CNTNAP1: variants seen among roughly 807,000 people sequenced by gnomAD.
CNTNAP1 encodes the protein contactin associated protein 1.
CNTNAP1 carries 80 observed loss-of-function variants against 161.5 expected under a neutral mutation model. The ratio of observed to expected loss-of-function variants is 0.50; its 90% CI spans 0.41 to 0.60. The LOEUF (loss-of-function observed/expected upper bound fraction) is 0.60, where lower values mean the gene tolerates loss of function less well. CNTNAP1 is among the 20% of genes least tolerant of loss of function. The probability of loss-of-function intolerance (pLI) is 0.00; values close to 1 mark genes in which losing one functional copy is unlikely to be tolerated. For synonymous variants in CNTNAP1, 695 were observed against 733.1 expected (o/e 0.95, Z 0.84); for missense variants, 1,464 against 1,854.8 (o/e 0.79, Z 3.87).
At chr17:42,695,336 G>T (rs1334331090) in intron 18 of CNTNAP1, among the ~76,000 whole-genome samples, 185 bp from the exon 19 acceptor site, 1 of 152,150 alleles carries the variant, frequency 6.6e-6, no homozygotes, top group Non-Finnish European at 1.5e-5. Flanking sequence ...ATGATCTCCA[G>T]TTTCCCATGG....
In CNTNAP1 at chr17:42,687,489, TGGA is replaced by T. The variant is rs1272584135; in HGVS notation, c.1045-229_1045-227del. On this transcript the variant is annotated intron_variant, in intron 7 of 23. Coordinates refer to ENST00000264638, the MANE Select transcript of CNTNAP1 (RefSeq NM_003632.3). This position sits in a 1 kb window ranked among gnomAD's most constrained non-coding sequence, Gnocchi z 4.7. Reference sequence around the variant, plus strand: ...AGAGAAGCGGTCGAATCGCAGACGGTGGAGATCAGCGAGAGCAAGCGAGCAGAG... The same window carrying T: ...AGAGAAGCGGTCGAATCGCAGACGGTGATCAGCGAGAGCAAGCGAGCAGAG... 1 of 595,070 alleles carries T rather than the reference TGGA, an allele frequency of 1.7e-6. No individual in the cohort carries two copies. Among genetic ancestry groups the T allele is most frequent in the African/African-American group, 1.9e-5 (1 of 53,758 alleles). 36.9% of individuals were successfully genotyped at this position (595,070 alleles called of 1,614,324 possible). A position where few individuals can be genotyped will look rare whatever the true frequency, so the allele number is the denominator to read the frequency against.
chr17:42,695,450 G>A, intron 18 of CNTNAP1, 71 bp from the exon 19 acceptor site: 3 of 1,231,662 alleles, frequency 2.4e-6, no homozygotes, highest in Non-Finnish European at 3.5e-6. Flanking sequence ...ATGTGTGTAT[G>A]GATGACATAA....
At position 42,695,991 on chromosome 17, in the gene CNTNAP1, C is replaced by T. The variant is rs76050946; in HGVS notation, c.3347-34C>T. 5.0e-6 allele frequency: 8 copies of T among 1,611,324 alleles called. No individual in the cohort carries two copies. The East Asian group carries it at 1.1e-4, about 22-fold the overall frequency. Reference sequence around the variant, plus strand: ...TGTTAGAAGATAGGAGTCATGGGGCCTGAGACCCCAAATTTCTTCTCCCCA... The same window carrying T: ...TGTTAGAAGATAGGAGTCATGGGGCTTGAGACCCCAAATTTCTTCTCCCCA... On this transcript the variant is annotated intron_variant, in intron 19 of 23. Transcript: ENST00000264638.
chr17:42,695,771 AGAG>A lies in CNTNAP1; in HGVS notation c.3248_3250del (p.Glu1083del), dbSNP rs754479451. On this transcript the variant is annotated inframe_deletion, in exon 19 of 24. Coordinates refer to ENST00000264638, the MANE Select transcript of CNTNAP1 (RefSeq NM_003632.3). ...GTGGGCCTGTCTACAACGTTACGGG[AGAG>A]GAGGTCTCCTTCAGCTTCAGCACCA... The A allele has an allele frequency of 6.8e-6, 11 of 1,614,062 alleles. No homozygotes were observed. Among genetic ancestry groups the A allele is most frequent in the African/African-American group, 1.3e-5 (1 of 74,906 alleles).
chr17:42,688,249 C>T (rs1188233455), intron 8 of CNTNAP1, among the ~76,000 whole-genome samples: 2 of 152,170 alleles, frequency 1.3e-5, no homozygotes, highest in Non-Finnish European at 2.9e-5. Context: ...GATTTGGTTA[C>T]TCGTTTATAA....
chr17:42,690,346 G>C, intron 12 of CNTNAP1, 139 bp downstream of exon 12: 1 of 1,082,340 alleles, frequency 9.2e-7, no homozygotes, highest in Middle Eastern at 3.1e-4. Context: ...TTGTAACCTA[G>C]CCTTAAAAGT....
At position 42,695,799 on chromosome 17, in the gene CNTNAP1, A is replaced by G. The variant is rs1293964051; in HGVS notation, c.3271A>G (p.Ser1091Gly). ...GGAGGTCTCCTTCAGCTTCAGCACC[A>G]GCTCCGCCCCTGCTGTCCTGCTCTA... ...GEEVSFSFST[S>G]SAPAVLLYVS... Residue 1091 changes from serine (S) to glycine (G), a missense_variant, in exon 19 of 24, where the codon AGC becomes GGC. Physicochemically the swap from Ser to Gly is moderately conservative, Grantham distance 56. Coordinates refer to ENST00000264638, the MANE Select transcript of CNTNAP1 (RefSeq NM_003632.3). 6.2e-7 allele frequency: 1 copy of G among 1,614,152 alleles called. No homozygotes were observed. Among genetic ancestry groups the G allele is most frequent in the South Asian group, 1.1e-5 (1 of 91,090 alleles).
chr17:42,688,913 C>T lies in CNTNAP1; in HGVS notation c.1494C>T (p.Ser498=), dbSNP rs200453277. 1.2e-6 allele frequency: 2 copies of T among 1,614,124 alleles called. No individual in the cohort carries two copies. The highest frequency in any genetic ancestry group is 2.2e-5 in the East Asian group (1 of 44,868). ...PKPASRWDCH[S]NQTAFHGCME... is the part of the protein sequence containing the mutation. ...CAGCCAGTCGATGGGACTGCCACTC[C>T]AACCAGACGGCATTCCATGGCTGCA... The change falls in exon 10 of 24, where the codon TCC becomes TCT. Residue 498 remains serine, a synonymous_variant. Transcript: ENST00000264638.
chr17:42,682,606 A>C lies in CNTNAP1; in HGVS notation c.-224A>C. 1.0e-5 allele frequency: 6 copies of C among 573,668 alleles called. No homozygotes were observed. The highest frequency in any genetic ancestry group is 1.6e-5 in the Non-Finnish European group (5 of 321,566). 35.5% of individuals were successfully genotyped at this position (573,668 alleles called of 1,614,324 possible). A position where few individuals can be genotyped will look rare whatever the true frequency, so the allele number is the denominator to read the frequency against. On this transcript the variant is annotated 5_prime_UTR_variant, in exon 1 of 24. Coordinates refer to ENST00000264638, the MANE Select transcript of CNTNAP1 (RefSeq NM_003632.3). ...GGAAAGAGGGTGGAAAGGAGAGGAT[A>C]GAGAGAGAAGAGCGGAGGACCAGGA...
Position 42,687,722 on chromosome 17 carries a change from T to C in CNTNAP1, c.1047T>C (p.Gly349=). ...TGCGTCTTCACTTTTGCCCCTAGGG[T>C]AAGGTGGCTTTTCGTTGCCTGGACC... ...VRRHSRITFE[G]KVAFRCLDPV... Residue 349 remains glycine, a splice_region_variant and synonymous_variant, in exon 8 of 24, where the codon GGT becomes GGC. Coordinates refer to ENST00000264638, the MANE Select transcript of CNTNAP1 (RefSeq NM_003632.3). The surrounding 1 kb of genome is among the most constrained non-coding windows in gnomAD (Gnocchi z 4.7). 6.2e-7 allele frequency: 1 copy of C among 1,613,638 alleles called. No individual in the cohort carries two copies. The highest frequency in any genetic ancestry group is 1.1e-5 in the South Asian group (1 of 91,052).
chr17:42,684,268 C>T, intron 3 of CNTNAP1, 39 bp downstream of exon 3: 1 of 1,578,570 alleles, frequency 6.3e-7, no homozygotes, highest in East Asian at 2.2e-5. Flanking sequence ...TGGGGAGCTT[C>T]CTCTGCTCCA....
Position 42,697,124 on chromosome 17 carries a change from C to T in CNTNAP1, c.3475-150C>T, listed in dbSNP as rs2053160817. The T allele has an allele frequency of 4.6e-6, 3 of 646,820 alleles. No homozygotes were observed. The Admixed American group carries it at 7.5e-5, about 16-fold the overall frequency. 40.1% of individuals were successfully genotyped at this position (646,820 alleles called of 1,614,324 possible). On this transcript the variant is annotated intron_variant, in intron 20 of 23. Transcript: ENST00000264638. ...TCAGATTGAGCTAGGACTCACCCAG[C>T]TGGCACCGCCAGTTTGGACAGAATG...
At chr17:42,682,985 C>A in intron 1 of CNTNAP1, 89 bp downstream of exon 1, 1 of 1,268,230 alleles carries the variant, frequency 7.9e-7, no homozygotes, top group South Asian at 1.4e-5. Flanking sequence ...GCTGGGTGGT[C>A]GCGGGTCCTT....
rs879744383 is a variant in CNTNAP1, at chr17:42,699,775, T to A, written c.*865T>A. The A allele has an allele frequency of 6.5e-6, 1 of 152,692 alleles. No individual in the cohort carries two copies. Among genetic ancestry groups the A allele is most frequent in the Non-Finnish European group, 1.5e-5 (1 of 68,064 alleles). 9.5% of individuals were successfully genotyped at this position (152,692 alleles called of 1,614,324 possible). On this transcript the variant is annotated 3_prime_UTR_variant, in exon 24 of 24. Transcript: ENST00000264638. The stretch of plus-strand genomic sequence containing the variant: ...AAACTCTATATATTATTCGAATTTT[T>A]AAATTATTTGTTTATATATAAAAGA...
chr17:42,695,413 G>A, intron 18 of CNTNAP1, 108 bp from the exon 19 acceptor site: 3 of 870,024 alleles, frequency 3.4e-6, no homozygotes, highest in South Asian at 3.3e-5. Flanking sequence ...GGTTGTGAGG[G>A]TGGCAGAAAC....
chr17:42,699,057 G>A lies in CNTNAP1; in HGVS notation c.*147G>A. On this transcript the variant is annotated 3_prime_UTR_variant, in exon 24 of 24. Coordinates refer to ENST00000264638, the MANE Select transcript of CNTNAP1 (RefSeq NM_003632.3). ...CCATCCCCCCCCCATCAAGTTTGGT[G>A]GGCAGAGCTACAGATGGGACCCAAG... The A allele has an allele frequency of 1.2e-5, 8 of 641,700 alleles. No individual in the cohort carries two copies. The highest frequency in any genetic ancestry group is 2.0e-5 in the Non-Finnish European group (8 of 396,310). 39.8% of individuals were successfully genotyped at this position (641,700 alleles called of 1,614,324 possible).
Position 42,687,861 on chromosome 17 carries a change from G to A in CNTNAP1, c.1186G>A (p.Gly396Arg). ...TCGCTTCCGCACCTGGGACCTCACCGGGCTTCTCCTTTTCTCCCGTCTGGG... is the reference window on the plus strand; with the variant it reads ...TCGCTTCCGCACCTGGGACCTCACCAGGCTTCTCCTTTTCTCCCGTCTGGG... Reference protein sequence around the residue: ...SFRFRTWDLTGLLLFSRLGDG... With the variant: ...SFRFRTWDLTRLLLFSRLGDG... The change falls in exon 8 of 24, where the codon GGG (glycine) becomes AGG (arginine). Residue 396 changes from glycine (G) to arginine (R), a missense_variant. Physicochemically the swap from Gly to Arg is moderately radical, Grantham distance 125 (BLOSUM62 -2). Coordinates refer to ENST00000264638, the MANE Select transcript of CNTNAP1 (RefSeq NM_003632.3). This position sits in a 1 kb window ranked among gnomAD's most constrained non-coding sequence, Gnocchi z 4.7. The A allele has an allele frequency of 6.2e-7, 1 of 1,614,224 alleles. No individual in the cohort carries two copies. The highest frequency in any genetic ancestry group is 8.5e-7 in the Non-Finnish European group (1 of 1,180,050).
intron 10 of CNTNAP1, 64 bp downstream of exon 10, chr17:42,689,111 G>T (rs1246278325): frequency 6.8e-7 from 1 of 1,462,310 alleles, no homozygotes. Context: ...CTCCCAGTAG[G>T]AATGGCCTCT....
Position 42,687,529 on chromosome 17 carries a change from G to T in CNTNAP1, c.1045-191G>T. The T allele has an allele frequency of 1.5e-6, 1 of 671,726 alleles. No individual in the cohort carries two copies. Among genetic ancestry groups the T allele is most frequent in the Non-Finnish European group, 2.5e-6 (1 of 395,446 alleles). The allele number at this position is 671,726 out of a possible 1,614,324, so 41.6% of individuals were successfully genotyped here. ...GCAAGCGAGCAGAGTTCCGAGGGCCGACTGGGTTGGGGCCCCCTCCACAGA... is the reference window on the plus strand; with the variant it reads ...GCAAGCGAGCAGAGTTCCGAGGGCCTACTGGGTTGGGGCCCCCTCCACAGA... On this transcript the variant is annotated intron_variant, in intron 7 of 23. Transcript: ENST00000264638. This position sits in a 1 kb window ranked among gnomAD's most constrained non-coding sequence, Gnocchi z 4.7.
Sources: allele counts gnomAD v4.1 joint callset (sites outside exome capture counted in the v4.1 genomes callset), GRCh38; gene constraint gnomAD v4.1.1; non-coding constraint Gnocchi (gnomAD v3.1); transcripts MANE v1.5; gene names NCBI Gene and HGNC (gene_info 2026-07-23, HGNC 2026-07-21).